The following SGMS2 variants were observed in gnomAD, a reference collection of about 807,000 sequenced individuals.
The protein encoded by SGMS2 is phosphatidylcholine:ceramide cholinephosphotransferase 2.
SGMS2 carries 21 observed loss-of-function variants against 43.8 expected under a neutral mutation model. That is an observed-to-expected ratio of 0.48 (90% CI 0.34 to 0.69). The LOEUF is 0.69. Among genes scored for constraint, SGMS2 ranks in the 30% least tolerant of loss-of-function variants. The probability of loss-of-function intolerance (pLI) is 0.01; values close to 1 mark genes in which losing one functional copy is unlikely to be tolerated. For synonymous variants in SGMS2, 167 were observed against 160.6 expected (o/e 1.04, Z -0.30); for missense variants, 384 against 443.2 (o/e 0.87, Z 1.20).
chr4:107,863,436 C>T (rs973094077), intron 2 of SGMS2: 1 of 152,050 alleles, frequency 6.6e-6, no homozygotes, highest in African/African-American at 2.4e-5. Context: ...GAGGTGGGGG[C>T]TGAATTGTGA....
chr4:107,896,856 C>T (rs911761833), intron 3 of SGMS2, among the ~76,000 whole-genome samples: 5 of 152,154 alleles, frequency 3.3e-5, no homozygotes, highest in Admixed American at 6.5e-5. Flanking sequence ...CTCCTTTCCT[C>T]TCATTCATCA....
chr4:107,889,175 G>C (rs975831556), intron 2 of SGMS2, among the ~76,000 whole-genome samples: 1 of 152,048 alleles, frequency 6.6e-6, no homozygotes, highest in Non-Finnish European at 1.5e-5. Context: ...TAGAAGTTAT[G>C]GTAATCTTAC....
At chr4:107,863,427 A>T (rs1578553139) in intron 2 of SGMS2, 1 of 152,154 alleles carries the variant, frequency 6.6e-6, no homozygotes, top group Admixed American at 6.6e-5. Flanking sequence ...GCTCCTTGAG[A>T]GGTGGGGGCT....
intron 2 of SGMS2, chr4:107,874,058 T>C (rs1011510061): frequency 7.9e-5 from 12 of 152,296 alleles, no homozygotes; most frequent in African/African-American, 1.9e-4. Flanking sequence ...CTTGGATACA[T>C]TGGAACTAAA....
intron 1 of SGMS2, among the ~76,000 whole-genome samples, chr4:107,846,192 A>G (rs1726799298): frequency 6.6e-6 from 1 of 150,776 alleles, no homozygotes; most frequent in Non-Finnish European, 1.5e-5. Flanking sequence ...TACATGTGCC[A>G]TGCTGGTGTG....
At chr4:107,841,823 A>AT (rs199929274) in intron 1 of SGMS2, among the ~76,000 whole-genome samples, 4,385 of 151,504 alleles carry the variant, frequency 0.029, 95 homozygotes, top group Non-Finnish European at 0.043. Context: ...AAACTTTTCA[A>AT]TTTTTTTTGT....
At chr4:107,836,879 G>C (rs1726215878) in intron 1 of SGMS2, among the ~76,000 whole-genome samples, 1 of 152,200 alleles carries the variant, frequency 6.6e-6, no homozygotes, top group Non-Finnish European at 1.5e-5. Context: ...AGGGAAGGGA[G>C]AGGAGAGTAC....
In SGMS2 at chr4:107,908,702, T is replaced by C; in HGVS notation, c.865T>C (p.Trp289Arg). The change falls in exon 6 of 7, where the codon TGG (tryptophan) becomes CGG (arginine). Residue 289 changes from tryptophan (W) to arginine (R), a missense_variant. Transcript: ENST00000690982. ...IAYYITTRLF[W>R]WYHSMANEKN... is the part of the protein sequence containing the mutation. ...TTATTATATCACAACACGACTGTTT[T>C]GGTGGTACCATTCAATGGCCAATGA... The C allele has an allele frequency of 6.2e-7, 1 of 1,613,890 alleles. No homozygotes were observed. Among genetic ancestry groups the C allele is most frequent in the Non-Finnish European group, 8.5e-7 (1 of 1,179,906 alleles).
chr4:107,838,364 C>T (rs1176052540), intron 1 of SGMS2, among the ~76,000 whole-genome samples: 1 of 152,214 alleles, frequency 6.6e-6, no homozygotes, highest in Non-Finnish European at 1.5e-5. Flanking sequence ...CTTCCAGCAT[C>T]CCCTGCAGGA....
At chr4:107,861,225 C>A (rs1413249551) in intron 2 of SGMS2, among the ~76,000 whole-genome samples, 2 of 152,196 alleles carry the variant, frequency 1.3e-5, no homozygotes, top group Non-Finnish European at 1.5e-5. Flanking sequence ...TATTAGAAAT[C>A]TTCAGTTTCA....
At chr4:107,826,531 G>A (rs145015075) in intron 1 of SGMS2, among the ~76,000 whole-genome samples, 492 of 152,138 alleles carry the variant, frequency 3.2e-3, no homozygotes, top group Non-Finnish European at 6.0e-3. Flanking sequence ...ACGTGAGGAA[G>A]CTAACTTTAC....
At chr4:107,829,953 G>A (rs1473635396) in intron 1 of SGMS2, among the ~76,000 whole-genome samples, 1 of 152,004 alleles carries the variant, frequency 6.6e-6, no homozygotes, top group African/African-American at 2.4e-5. Flanking sequence ...GTGTCACAGG[G>A]GTTTGATGTA....
At chr4:107,847,768 C>T (rs990498302) in intron 1 of SGMS2, among the ~76,000 whole-genome samples, 1 of 152,066 alleles carries the variant, frequency 6.6e-6, no homozygotes, top group African/African-American at 2.4e-5. Context: ...CTGAGAAATA[C>T]TTTTTTGGTA....
At chr4:107,835,929 A>C (rs1378466388) in intron 1 of SGMS2, among the ~76,000 whole-genome samples, 1 of 152,240 alleles carries the variant, frequency 6.6e-6, no homozygotes, top group African/African-American at 2.4e-5. Flanking sequence ...GTCAATGGAA[A>C]TATAACATGA....
intron 1 of SGMS2, among the ~76,000 whole-genome samples, chr4:107,844,112 G>A (rs1726674441): frequency 1.3e-5 from 2 of 151,478 alleles, no homozygotes; most frequent in Admixed American, 1.3e-4. Context: ...CATGAGGTCA[G>A]GAGTTCGAGA....
chr4:107,825,033 G>T lies in SGMS2; in HGVS notation c.-547G>T, dbSNP rs928962229. 6.6e-6 allele frequency: 1 copy of T among 151,924 alleles called. No homozygotes were observed. Among genetic ancestry groups the T allele is most frequent in the African/African-American group, 2.4e-5 (1 of 41,372 alleles). The allele number at this position is 151,924 out of a possible 1,614,324, so 9.4% of individuals were successfully genotyped here. On this transcript the variant is annotated 5_prime_UTR_variant, in exon 1 of 7. Transcript: ENST00000690982. ...AGCGCCGCCGAGTGCGGCCTCGGGG[G>T]CGGCGGCCGCGGGAGGGACCCGGAG... is the stretch of plus-strand genomic sequence containing the variant.
At chr4:107,861,096 C>G (rs188793883) in intron 2 of SGMS2, among the ~76,000 whole-genome samples, 3 of 152,178 alleles carry the variant, frequency 2.0e-5, no homozygotes, top group Admixed American at 2.0e-4. Flanking sequence ...ATTCACATAT[C>G]TAATGAAGTT....
intron 1 of SGMS2, among the ~76,000 whole-genome samples, chr4:107,850,968 T>C (rs1201330140): frequency 2.0e-5 from 3 of 152,204 alleles, no homozygotes; most frequent in African/African-American, 7.2e-5. Context: ...TCCTGGTACT[T>C]TAATACTCTC....
At position 107,905,015 on chromosome 4, in the gene SGMS2, G is replaced by A. The variant is rs368238036; in HGVS notation, c.727+1629G>A. ...TGCATTTCAGAGTGAAGGCACTGTA[G>A]GTTTAAAGTAATAAAAACACCCCCA... On this transcript the variant is annotated intron_variant, in intron 5 of 6. Transcript: ENST00000690982. Among the ~76,000 whole-genome samples the A allele has an allele frequency of 7.9e-5, 12 of 152,176 alleles. No individual in the cohort carries two copies. In the East Asian group the frequency reaches 1.7e-3, roughly 22 times the overall value.
Sources: gnomAD v4.1 joint callset for allele counts (sites outside exome capture counted in the v4.1 genomes callset) on GRCh38, gnomAD v4.1.1 for gene constraint, MANE v1.5 for transcripts, NCBI Gene and HGNC (gene_info 2026-07-23, HGNC 2026-07-21) for gene names.